The following AGAP1 variants were observed in gnomAD, a reference collection of about 807,000 sequenced individuals.
AGAP1 encodes ArfGAP with GTPase domain, ankyrin repeat and PH domain 1.
A neutral mutation model predicts 105.3 loss-of-function variants in AGAP1; 29 were observed. The ratio of observed to expected loss-of-function variants is 0.28; its 90% CI spans 0.21 to 0.38. The LOEUF (loss-of-function observed/expected upper bound fraction) is 0.38, where lower values mean the gene tolerates loss of function less well. Ranked by LOEUF, AGAP1 falls within the 10% of genes least tolerant of loss-of-function variation. The probability of loss-of-function intolerance (pLI) is 1.00; values close to 1 mark genes in which losing one functional copy is unlikely to be tolerated. For synonymous variants in AGAP1, 509 were observed against 485.9 expected (o/e 1.05, Z -0.63); for missense variants, 998 against 1,165.1 (o/e 0.86, Z 2.09).
chr2:235,698,835 A>G (rs1950121609), intron 1 of AGAP1, among the ~76,000 whole-genome samples: 1 of 152,176 alleles, frequency 6.6e-6, no homozygotes, highest in South Asian at 2.1e-4. Flanking sequence ...CAATTTTTAA[A>G]TTTTTATTGC....
chr2:235,651,312 A>G (rs1463454167), intron 1 of AGAP1, among the ~76,000 whole-genome samples: 1 of 151,540 alleles, frequency 6.6e-6, no homozygotes, highest in Non-Finnish European at 1.5e-5. Context: ...AAGTTCTAGT[A>G]CCACTGAGAA....
intron 1 of AGAP1, among the ~76,000 whole-genome samples, chr2:235,588,485 T>A (rs1017666990): frequency 3.9e-5 from 6 of 152,044 alleles, no homozygotes; most frequent in African/African-American, 1.4e-4. Context: ...TCCCGGTGGC[T>A]GCTACACCCT....
chr2:235,637,249 A>G (rs1002180737), intron 1 of AGAP1, among the ~76,000 whole-genome samples: 8 of 152,048 alleles, frequency 5.3e-5, no homozygotes, highest in African/African-American at 1.9e-4. Flanking sequence ...CAGTTTGCCC[A>G]GCACCTCCTA....
intron 1 of AGAP1, 149 bp downstream of exon 1, chr2:235,494,998 G>T: frequency 2.9e-6 from 2 of 687,442 alleles, no homozygotes; most frequent in Admixed American, 4.5e-5. Flanking sequence ...TGCTTGTCTT[G>T]CAAGGCCGGG....
chr2:236,093,611 A>G (rs993232021), intron 16 of AGAP1, among the ~76,000 whole-genome samples: 13 of 152,250 alleles, frequency 8.5e-5, no homozygotes, highest in African/African-American at 3.1e-4. Context: ...GTATAAGAGG[A>G]TGACCAAAGG....
chr2:236,017,731 T>C (rs1365181472), intron 13 of AGAP1, among the ~76,000 whole-genome samples: 2 of 152,244 alleles, frequency 1.3e-5, no homozygotes, highest in Non-Finnish European at 2.9e-5. Flanking sequence ...TCTAAGGATC[T>C]CTCTGAAGCC....
Position 235,719,198 on chromosome 2 carries a change from T to G in AGAP1, c.310+1554T>G, listed in dbSNP as rs960361921. ...TCGGGCCTGGTTTTGTTGCTGTTGC[T>G]CTGGCAGTCTCTGGCCCTGGGGTTC... On this transcript the variant is annotated intron_variant, in intron 3 of 17. Coordinates refer to ENST00000304032, the MANE Select transcript of AGAP1 (RefSeq NM_001037131.3). This position sits in a 1 kb window ranked among gnomAD's most constrained non-coding sequence, Gnocchi z 4.9. Among the ~76,000 whole-genome samples, 3 of 152,214 alleles carry G rather than the reference T, an allele frequency of 2.0e-5. No homozygotes were observed. Among genetic ancestry groups the G allele is most frequent in the Non-Finnish European group, 4.4e-5 (3 of 68,038 alleles).
At position 235,973,400 on chromosome 2, in the gene AGAP1, G is replaced by GA. The variant is rs1294700624; in HGVS notation, c.1645+4778dup. Reference sequence around the variant, plus strand: ...TTTTGGGTTCTGAGGATTACCAGGAGATGTGTGGATGACAGAGCCCGTCGC... The same window carrying GA: ...TTTTGGGTTCTGAGGATTACCAGGAGAATGTGTGGATGACAGAGCCCGTCGC... On this transcript the variant is annotated intron_variant, in intron 13 of 17. Coordinates refer to ENST00000304032, the MANE Select transcript of AGAP1 (RefSeq NM_001037131.3). This position sits in a 1 kb window ranked among gnomAD's most constrained non-coding sequence, Gnocchi z 4.7. Among the ~76,000 whole-genome samples the GA allele has an allele frequency of 1.3e-5, 2 of 152,214 alleles. No individual in the cohort carries two copies. The highest frequency in any genetic ancestry group is 4.8e-5 in the African/African-American group (2 of 41,456).
In AGAP1 at chr2:235,494,277, C is replaced by G. The variant is rs1941208262; in HGVS notation, c.-410C>G. On this transcript the variant is annotated 5_prime_UTR_variant, in exon 1 of 18. Coordinates refer to ENST00000304032, the MANE Select transcript of AGAP1 (RefSeq NM_001037131.3). ...ACTGCCCAGGGGTCGGCCCTCGGCCCCGGCGCTCGGAGCGCGGCGGCTGCC... is the reference window on the plus strand; with the variant it reads ...ACTGCCCAGGGGTCGGCCCTCGGCCGCGGCGCTCGGAGCGCGGCGGCTGCC... 1 of 144,008 alleles carries G rather than the reference C, an allele frequency of 6.9e-6. No homozygotes were observed. The highest frequency in any genetic ancestry group is 2.5e-5 in the African/African-American group (1 of 40,052). 8.9% of individuals were successfully genotyped at this position (144,008 alleles called of 1,614,324 possible). A position where few individuals can be genotyped will look rare whatever the true frequency, so the allele number is the denominator to read the frequency against.
intron 1 of AGAP1, among the ~76,000 whole-genome samples, chr2:235,693,966 CAG>C (rs748699582): frequency 4.6e-5 from 7 of 152,162 alleles, no homozygotes; most frequent in Non-Finnish European, 8.8e-5. Context: ...TAAAAAGTAA[CAG>C]AAACTACCAT....
chr2:236,080,214 C>G lies in AGAP1; in HGVS notation c.2114+30933C>G, dbSNP rs1232583051. 2.6e-5 allele frequency among the ~76,000 whole-genome samples: 4 copies of G among 152,148 alleles called. No individual in the cohort carries two copies. The highest frequency in any genetic ancestry group is 9.7e-5 in the African/African-American group (4 of 41,426). On this transcript the variant is annotated intron_variant, in intron 16 of 17. Transcript: ENST00000304032. The surrounding 1 kb of genome is among the most constrained non-coding windows in gnomAD (Gnocchi z 4.2). ...TCCAAGGCTGTTTCCTGTGCATGTT[C>G]TTGGAAAGATAGTTGGGAAAAAAGG... is the stretch of plus-strand genomic sequence containing the variant.
At position 236,082,471 on chromosome 2, in the gene AGAP1, G is replaced by A. The variant is rs1306849918; in HGVS notation, c.2114+33190G>A. On this transcript the variant is annotated intron_variant, in intron 16 of 17. Coordinates refer to ENST00000304032, the MANE Select transcript of AGAP1 (RefSeq NM_001037131.3). This position sits in a 1 kb window ranked among gnomAD's most constrained non-coding sequence, Gnocchi z 4.2. ...CCATTTGATCTCTCAGGGAGGGAGA[G>A]CTTTTCCTAAGCATCGATCCCCTCC... Among the ~76,000 whole-genome samples, 1 of 152,164 alleles carries A rather than the reference G, an allele frequency of 6.6e-6. No homozygotes were observed. Among genetic ancestry groups the A allele is most frequent in the African/African-American group, 2.4e-5 (1 of 41,432 alleles).
At chr2:235,524,077 A>G (rs1942734001) in intron 1 of AGAP1, among the ~76,000 whole-genome samples, 1 of 152,174 alleles carries the variant, frequency 6.6e-6, no homozygotes, top group Non-Finnish European at 1.5e-5. Context: ...GCTGAGTTCC[A>G]TGGGACTGTG....
At chr2:236,023,247 T>C (rs942164639) in intron 13 of AGAP1, among the ~76,000 whole-genome samples, 2 of 152,198 alleles carry the variant, frequency 1.3e-5, no homozygotes, top group Non-Finnish European at 2.9e-5. Flanking sequence ...TAGGAATGTC[T>C]GTTTTTAAAA....
At chr2:235,926,025 T>C (rs115286427) in intron 11 of AGAP1, among the ~76,000 whole-genome samples, 1,701 of 152,320 alleles carry the variant, frequency 0.011, 26 homozygotes, top group African/African-American at 0.038. Context: ...TTTTTTATGC[T>C]TAAAGATATT....
At position 235,953,296 on chromosome 2, in the gene AGAP1, G is replaced by A. The variant is rs1050845648; in HGVS notation, c.1484-15166G>A. Among the ~76,000 whole-genome samples the A allele has an allele frequency of 6.6e-6, 1 of 152,196 alleles. No homozygotes were observed. The highest frequency in any genetic ancestry group is 1.5e-5 in the Non-Finnish European group (1 of 68,028). ...TAACCCCCAAAAAAGTACCCCGATG[G>A]TTCCCACAGTTGCCTTCTAACATAA... is the stretch of plus-strand genomic sequence containing the variant. On this transcript the variant is annotated intron_variant, in intron 12 of 17. Transcript: ENST00000304032. The surrounding 1 kb of genome is among the most constrained non-coding windows in gnomAD (Gnocchi z 5.2).
chr2:235,794,820 A>G (rs568185441), intron 6 of AGAP1, among the ~76,000 whole-genome samples: 8 of 152,262 alleles, frequency 5.3e-5, no homozygotes, highest in Admixed American at 3.3e-4. Flanking sequence ...TTTCTGATCT[A>G]TGCACCAACA....
rs1351189937 is a variant in AGAP1 at position 235,552,629 on chromosome 2, A to G, written c.163+57780A>G. Among the ~76,000 whole-genome samples, 1 of 152,186 alleles carries G rather than the reference A, an allele frequency of 6.6e-6. No individual in the cohort carries two copies. The highest frequency in any genetic ancestry group is 2.4e-5 in the African/African-American group (1 of 41,448). On this transcript the variant is annotated intron_variant, in intron 1 of 17. Transcript: ENST00000304032. This position sits in a 1 kb window ranked among gnomAD's most constrained non-coding sequence, Gnocchi z 5.9. ...GGGGATGCGGCGTATGGGCAGGTGC[A>G]CACACACCTGGCAGAGGTTTGGAGC... is the stretch of plus-strand genomic sequence containing the variant.
chr2:235,573,207 C>G (rs1944631715), intron 1 of AGAP1, among the ~76,000 whole-genome samples: 1 of 151,038 alleles, frequency 6.6e-6, no homozygotes, highest in South Asian at 2.1e-4. Flanking sequence ...CTCAAGTGCT[C>G]CTAGAGTAGC....
Sources: gnomAD v4.1 joint callset for allele counts (sites outside exome capture counted in the v4.1 genomes callset) on GRCh38, gnomAD v4.1.1 for gene constraint, Gnocchi (gnomAD v3.1) non-coding constraint, MANE v1.5 for transcripts, NCBI Gene and HGNC (gene_info 2026-07-23, HGNC 2026-07-21) for gene names.